The following CAST variants were observed in gnomAD, a reference collection of about 807,000 sequenced individuals.
CAST encodes the protein calpastatin, also known as MIR583 host.
Under a neutral mutation model 119.6 loss-of-function variants are expected in CAST, and 76 were observed. That is an observed-to-expected ratio of 0.64 (90% CI 0.53 to 0.77). The LOEUF is 0.77. CAST is among the 30% of genes least tolerant of loss of function. The pLI is 0.00. For synonymous variants in CAST, 319 were observed against 331.6 expected, an observed-to-expected ratio of 0.96 and a Z score of 0.41; for missense variants, 953 against 946.5, an observed-to-expected ratio of 1.01 and a Z score of -0.09.
chr5:96,293,360 C>A, the CAST span, among the ~76,000 whole-genome samples: 19 of 152,206 alleles, frequency 1.2e-4, no homozygotes, highest in African/African-American at 4.1e-4. Context: ...CTCACTGCAA[C>A]CTCCACCTTC....
At chr5:96,241,145 C>A in the CAST span, among the ~76,000 whole-genome samples, 1 of 151,546 alleles carries the variant, frequency 6.6e-6, no homozygotes, top group African/African-American at 2.4e-5. Flanking sequence ...ATGTGCCATG[C>A]TGGTGTGCTG....
At chr5:95,962,004 A>G in the CAST span, 2 of 414,288 alleles carry the variant, frequency 4.8e-6, no homozygotes, top group Non-Finnish European at 8.5e-6. Flanking sequence ...CAAAGTCACT[A>G]GAGTTTTGCT....
intron 1 of CAST, among the ~76,000 whole-genome samples, chr5:96,630,309 A>G (rs946532772): frequency 6.6e-6 from 1 of 152,224 alleles, no homozygotes; most frequent in Admixed American, 6.5e-5. Flanking sequence ...TTCTCTAGAA[A>G]AAGACTAAGT....
chr5:96,630,553 G>A (rs148205401), intron 1 of CAST, among the ~76,000 whole-genome samples: 1 of 152,176 alleles, frequency 6.6e-6, no homozygotes, highest in East Asian at 1.9e-4. Context: ...TTGGGAGGCT[G>A]AGGAGGGTGG....
chr5:96,549,647 G>A (rs780573687), intron 1 of CAST, among the ~76,000 whole-genome samples: 61 of 152,206 alleles, frequency 4.0e-4, no homozygotes, highest in Non-Finnish European at 8.8e-4. Context: ...GCCAAGGGAA[G>A]CCATGAGTGA....
At chr5:96,668,028 A>T (rs1468778181) in intron 1 of CAST, among the ~76,000 whole-genome samples, 1 of 152,186 alleles carries the variant, frequency 6.6e-6, no homozygotes, top group African/African-American at 2.4e-5. Flanking sequence ...AAATAAATGA[A>T]TAAATAAATA....
At chr5:96,499,946 T>C in the CAST span, among the ~76,000 whole-genome samples, 1 of 152,166 alleles carries the variant, frequency 6.6e-6, no homozygotes, top group Non-Finnish European at 1.5e-5. Context: ...ATCGTTGGGA[T>C]ATTAACTGGC....
chr5:96,662,961 C>G (rs2150215258), intron 1 of CAST: 1 of 599,952 alleles, frequency 1.7e-6, no homozygotes, highest in South Asian at 2.0e-5. Flanking sequence ...GGGGCGGGGC[C>G]TGCGCCGGGC....
upstream of CAST, among the ~76,000 whole-genome samples, chr5:96,527,100 A>C (rs779654025): frequency 7.2e-5 from 11 of 152,186 alleles, no homozygotes; most frequent in African/African-American, 1.2e-4. Flanking sequence ...ACATAGGATA[A>C]AGTAAGCATA....
chr5:96,754,026 C>A, intron 20 of CAST, 34 bp from the exon 21 acceptor site: 3 of 1,240,796 alleles, frequency 2.4e-6, no homozygotes, highest in South Asian at 1.2e-5. Context: ...AGTGATTAAC[C>A]ACCTACTTAA....
chr5:96,335,722 G>T, the CAST span, among the ~76,000 whole-genome samples: 1,366 of 152,116 alleles, frequency 9.0e-3, 19 homozygotes, highest in African/African-American at 0.031. Context: ...CAGACATTTC[G>T]GATTCAATTG....
the CAST span, among the ~76,000 whole-genome samples, chr5:96,409,812 G>A: frequency 8.5e-5 from 13 of 152,184 alleles, no homozygotes; most frequent in African/African-American, 1.2e-4. Flanking sequence ...AGAGATGCGC[G>A]TGAGAAGCAG....
At chr5:96,618,028 CT>C (rs1747504656) in intron 1 of CAST, among the ~76,000 whole-genome samples, 1 of 152,042 alleles carries the variant, frequency 6.6e-6, no homozygotes, top group African/African-American at 2.4e-5. Context: ...GGACAAGGAT[CT>C]TCTAGGGGTG....
chr5:96,432,095 CAAGA>C, the CAST span: 1 of 1,534,598 alleles, frequency 6.5e-7, no homozygotes, highest in Non-Finnish European at 8.7e-7. Context: ...GGCTGAAGAA[CAAGA>C]AAGAAATAGA....
At chr5:96,228,979 A>T in the CAST span, among the ~76,000 whole-genome samples, 5 of 151,952 alleles carry the variant, frequency 3.3e-5, no homozygotes, top group Non-Finnish European at 7.4e-5. Flanking sequence ...TGTAATAAAA[A>T]TCTTATCTGA....
At chr5:96,174,414 G>A in the CAST span, among the ~76,000 whole-genome samples, 11 of 152,206 alleles carry the variant, frequency 7.2e-5, no homozygotes, top group East Asian at 1.5e-3. Context: ...TGCGCTGGGC[G>A]CTGCAATCAT....
chr5:95,985,024 G>C, the CAST span, among the ~76,000 whole-genome samples: 1 of 143,766 alleles, frequency 7.0e-6, no homozygotes, highest in Non-Finnish European at 1.5e-5. Flanking sequence ...TACCTATATG[G>C]CTGAAGGCCA....
intron 1 of CAST, among the ~76,000 whole-genome samples, chr5:96,672,504 C>A (rs773810491): frequency 6.6e-6 from 1 of 151,924 alleles, no homozygotes; most frequent in Non-Finnish European, 1.5e-5. Context: ...GTCAGGAGTT[C>A]AAGACCAGCC....
chr5:96,378,834 T>C, the CAST span, among the ~76,000 whole-genome samples: 4 of 152,148 alleles, frequency 2.6e-5, no homozygotes, highest in African/African-American at 7.2e-5. Context: ...AAAACTAACA[T>C]GTATTATTTA....
Sources: gnomAD v4.1 joint callset for allele counts (sites outside exome capture counted in the v4.1 genomes callset) on GRCh38, gnomAD v4.1.1 for gene constraint, MANE v1.5 for transcripts, NCBI Gene and HGNC (gene_info 2026-07-23, HGNC 2026-07-21) for gene names.